SOX5: variants seen among roughly 807,000 people sequenced by gnomAD.
SOX5 encodes the protein SRY-box transcription factor 5, also known as transcription factor SOX-5.
In SOX5, 9 loss-of-function variants were observed where a neutral mutation model predicts 92.0. That is an observed-to-expected ratio of 0.10 (90% CI 0.06 to 0.17). The LOEUF (loss-of-function observed/expected upper bound fraction) is 0.17, where lower values mean the gene tolerates loss of function less well. SOX5 is among the 10% of genes least tolerant of loss of function. The probability of loss-of-function intolerance (pLI) is 1.00; values close to 1 mark genes in which losing one functional copy is unlikely to be tolerated. For missense variants in SOX5, 642 were observed against 944.5 expected, an observed-to-expected ratio of 0.68 and a Z score of 4.20; for synonymous variants, 344 against 336.3, an observed-to-expected ratio of 1.02 and a Z score of -0.25.
intron 4 of SOX5, among the ~76,000 whole-genome samples, chr12:23,969,344 A>T (rs1303890540): frequency 1.3e-5 from 2 of 151,912 alleles, no homozygotes; most frequent in Admixed American, 6.6e-5. Flanking sequence ...CCCACACTGT[A>T]CCGAGACCAA....
chr12:24,522,749 G>A (rs1950370837), intron 1 of SOX5, among the ~76,000 whole-genome samples: 1 of 152,150 alleles, frequency 6.6e-6, no homozygotes, highest in African/African-American at 2.4e-5. Context: ...AACAAACTAG[G>A]AAGAGAAGGA....
At chr12:23,962,835 T>C (rs1272797775) in intron 4 of SOX5, among the ~76,000 whole-genome samples, 2 of 152,226 alleles carry the variant, frequency 1.3e-5, no homozygotes, top group Admixed American at 1.3e-4. Flanking sequence ...CCTGTTGCTT[T>C]ATTTCAAGGT....
At chr12:23,658,543 C>T (rs1454536907) in intron 7 of SOX5, among the ~76,000 whole-genome samples, 1 of 152,142 alleles carries the variant, frequency 6.6e-6, no homozygotes, top group Non-Finnish European at 1.5e-5. Context: ...GGTTTATAAA[C>T]TTCTGGGAAG....
chr12:24,166,490 C>T (rs188677075), intron 4 of SOX5, among the ~76,000 whole-genome samples: 2 of 152,082 alleles, frequency 1.3e-5, no homozygotes, highest in Non-Finnish European at 2.9e-5. Context: ...TGAGAGAGAG[C>T]GAGCATTAAA....
At chr12:23,720,506 A>AT (rs1214941576) in intron 6 of SOX5, among the ~76,000 whole-genome samples, 4 of 152,098 alleles carry the variant, frequency 2.6e-5, no homozygotes, top group Non-Finnish European at 4.4e-5. Context: ...CTAGAACATT[A>AT]TTTTTTCATT....
chr12:24,492,414 G>T (rs1169637917), intron 1 of SOX5, among the ~76,000 whole-genome samples: 3 of 152,090 alleles, frequency 2.0e-5, no homozygotes, highest in African/African-American at 7.2e-5. Flanking sequence ...AATGTAAATT[G>T]CATACTATGA....
intron 3 of SOX5, among the ~76,000 whole-genome samples, chr12:23,818,850 G>A (rs1742052107): frequency 6.6e-6 from 1 of 151,952 alleles, no homozygotes; most frequent in East Asian, 1.9e-4. Flanking sequence ...AACACACAGG[G>A]ACTACACGGG....
chr12:23,872,164 ATTTTTTTTTTTTT>A (rs71059938), intron 2 of SOX5, among the ~76,000 whole-genome samples: 2 of 61,632 alleles, frequency 3.2e-5, no homozygotes, highest in Non-Finnish European at 6.5e-5. Flanking sequence ...CGCCCGGCTA[ATTTTTTTTTTTTT>A]TTTTTTTTTT....
intron 2 of SOX5, among the ~76,000 whole-genome samples, chr12:24,330,480 C>G (rs1419100190): frequency 6.6e-6 from 1 of 152,218 alleles, no homozygotes; most frequent in Non-Finnish European, 1.5e-5. Flanking sequence ...TACTGGAGTA[C>G]AGTCAGGACC....
chr12:24,382,325 G>C (rs1264585347), intron 1 of SOX5, among the ~76,000 whole-genome samples: 1 of 152,184 alleles, frequency 6.6e-6, no homozygotes, highest in Non-Finnish European at 1.5e-5. Flanking sequence ...ACCTGGAGGA[G>C]AGCAAAGGCC....
chr12:24,327,639 A>C (rs1950865020), intron 2 of SOX5, among the ~76,000 whole-genome samples: 1 of 151,638 alleles, frequency 6.6e-6, no homozygotes, highest in Non-Finnish European at 1.5e-5. Flanking sequence ...GCTGGAGTGC[A>C]GTGGCGCATT....
intron 1 of SOX5, among the ~76,000 whole-genome samples, chr12:24,370,350 C>T (rs1365291319): frequency 1.3e-5 from 2 of 151,758 alleles, no homozygotes; most frequent in Non-Finnish European, 2.9e-5. Context: ...GGTGGCAGGC[C>T]CCTGTAGTCC....
intron 4 of SOX5, among the ~76,000 whole-genome samples, chr12:24,111,676 T>TA (rs569932199): frequency 0.012 from 1,792 of 152,154 alleles, 32 homozygotes; most frequent in African/African-American, 0.041. Flanking sequence ...ATATTTTATT[T>TA]AAAAAAAGAT....
At chr12:24,038,653 AT>A (rs1436734500) in intron 4 of SOX5, among the ~76,000 whole-genome samples, 1 of 152,102 alleles carries the variant, frequency 6.6e-6, no homozygotes, top group East Asian at 1.9e-4. Flanking sequence ...ATTAAAACAT[AT>A]TTTTATCCAT....
intron 4 of SOX5, among the ~76,000 whole-genome samples, chr12:23,987,893 C>T (rs1950205945): frequency 1.3e-5 from 2 of 151,990 alleles, no homozygotes; most frequent in African/African-American, 4.8e-5. Flanking sequence ...GTTTGATATA[C>T]ATTATGAAAA....
chr12:23,776,867 C>T (rs776471229), intron 3 of SOX5, among the ~76,000 whole-genome samples: 51 of 152,174 alleles, frequency 3.4e-4, no homozygotes, highest in Non-Finnish European at 6.3e-4. Context: ...TAACAGGCCA[C>T]GGACCAGTAC....
chr12:23,573,999 T>A (rs1948754482), intron 10 of SOX5, among the ~76,000 whole-genome samples: 1 of 151,578 alleles, frequency 6.6e-6, no homozygotes, highest in African/African-American at 2.4e-5. Context: ...ATATTAGTTA[T>A]CTATATTATA....
At chr12:24,370,750 C>T (rs1187903777) in intron 1 of SOX5, among the ~76,000 whole-genome samples, 2 of 152,182 alleles carry the variant, frequency 1.3e-5, no homozygotes, top group Non-Finnish European at 2.9e-5. Flanking sequence ...CGAGATCGTG[C>T]CATTGTACTC....
rs937147838 is a variant in SOX5 at position 24,428,912 on chromosome 12, T to G, written c.-250-60273A>C. Among the ~76,000 whole-genome samples, 3 of 152,210 alleles carry G rather than the reference T, an allele frequency of 2.0e-5. No homozygotes were observed. In the East Asian group the frequency reaches 5.8e-4, roughly 29 times the overall value. ...TGAGTTCAAATACCATTTATATCAC[T>G]TATTAAGTATGTGATCTTGGACAAG... is the stretch of plus-strand genomic sequence containing the variant. On this transcript the variant is annotated intron_variant, in intron 1 of 4. Transcript: ENST00000446891.
Sources: allele counts gnomAD v4.1 joint callset (sites outside exome capture counted in the v4.1 genomes callset), GRCh38; gene constraint gnomAD v4.1.1; transcripts MANE v1.5; gene names NCBI Gene and HGNC (gene_info 2026-07-23, HGNC 2026-07-21).